NFIB: variants seen among roughly 807,000 people sequenced by gnomAD.
NFIB encodes the protein nuclear factor 1 B-type.
Under a neutral mutation model 61.5 loss-of-function variants are expected in NFIB, and 11 were observed. The ratio of observed to expected loss-of-function variants is 0.18; its 90% CI spans 0.11 to 0.30. The LOEUF (loss-of-function observed/expected upper bound fraction) is 0.30, where lower values mean the gene tolerates loss of function less well. NFIB is among the 10% of genes least tolerant of loss of function. The pLI is 1.00. For missense variants in NFIB, 471 were observed against 608.9 expected, an observed-to-expected ratio of 0.77 and a Z score of 2.38; for synonymous variants, 260 against 216.5, an observed-to-expected ratio of 1.20 and a Z score of -1.76.
intron 2 of NFIB, among the ~76,000 whole-genome samples, chr9:14,224,822 A>T (rs914931802): frequency 1.6e-4 from 24 of 152,194 alleles, no homozygotes; most frequent in African/African-American, 5.8e-4. Flanking sequence ...TATTTTCTTT[A>T]CCTTTAAAAT....
rs373909969 is a variant in NFIB at position 14,165,940 on chromosome 9, G to A, written c.617-10047C>T. Among the ~76,000 whole-genome samples, 226 of 152,224 alleles carry A rather than the reference G, an allele frequency of 1.5e-3. 1 individual carries two copies. Among genetic ancestry groups the A allele is most frequent in the African/African-American group, 5.0e-3 (207 of 41,554 alleles). On this transcript the variant is annotated intron_variant, in intron 3 of 10. Coordinates refer to ENST00000380953, the MANE Select transcript of NFIB (RefSeq NM_001190737.2). ...TTCTGGAGGTTGGTTGCACAATGAC[G>A]TGAATACATTTCACACTACTGTATT...
At chr9:14,174,173 A>G (rs1466914879) in intron 3 of NFIB, among the ~76,000 whole-genome samples, 1 of 151,300 alleles carries the variant, frequency 6.6e-6, no homozygotes, top group Non-Finnish European at 1.5e-5. Flanking sequence ...AACAAAATAC[A>G]TTAAAAAAAA....
chr9:14,276,478 G>A (rs1240986337), intron 2 of NFIB, among the ~76,000 whole-genome samples: 2 of 152,150 alleles, frequency 1.3e-5, no homozygotes, highest in South Asian at 2.1e-4. Context: ...ATGAAAGGAA[G>A]ATAAATTGTA....
intron 2 of NFIB, among the ~76,000 whole-genome samples, chr9:14,275,121 G>A (rs138786721): frequency 0.017 from 2,562 of 152,244 alleles, 81 homozygotes; most frequent in African/African-American, 0.056. Context: ...TGTATTCAAC[G>A]GGCTTCAGTT....
At chr9:14,361,104 T>G (rs2132944846) in intron 1 of NFIB, among the ~76,000 whole-genome samples, 1 of 152,264 alleles carries the variant, frequency 6.6e-6, no homozygotes, top group Non-Finnish European at 1.5e-5. Context: ...CTGTTTGTTT[T>G]CCTCCACTTT....
intron 2 of NFIB, among the ~76,000 whole-genome samples, chr9:14,255,543 G>C (rs927184579): frequency 2.0e-5 from 3 of 152,188 alleles, no homozygotes; most frequent in Non-Finnish European, 4.4e-5. Context: ...CTGATGACCA[G>C]ATATGGGCTG....
At chr9:14,174,967 T>G (rs1029275515) in intron 3 of NFIB, among the ~76,000 whole-genome samples, 6 of 151,896 alleles carry the variant, frequency 4.0e-5, no homozygotes, top group African/African-American at 1.5e-4. Context: ...ATCTGAAAAA[T>G]CAAGCAAATA....
chr9:14,134,682 A>G (rs1180152713), intron 6 of NFIB, among the ~76,000 whole-genome samples: 1 of 152,080 alleles, frequency 6.6e-6, no homozygotes, highest in East Asian at 1.9e-4. Context: ...AAGTCACCTG[A>G]GGTCAGGAGT....
intron 3 of NFIB, among the ~76,000 whole-genome samples, chr9:14,171,381 A>T (rs2045549889): frequency 6.6e-6 from 1 of 152,160 alleles, no homozygotes; most frequent in Admixed American, 6.5e-5. Flanking sequence ...GAAGGGGTAG[A>T]CATCTCTGAC....
the NFIB span, among the ~76,000 whole-genome samples, chr9:14,424,122 A>T: frequency 1.2e-4 from 18 of 152,252 alleles, no homozygotes; most frequent in Admixed American, 1.2e-3. Flanking sequence ...TGCTCATAAC[A>T]CCGATGCCAT....
rs1193350404 is a variant in NFIB, at chr9:14,276,527, A to G, written c.562+30462T>C. ...TTTCTCAGAGAAGGCTGAAAGGTAC[A>G]ACGCCAAAGGCATTATCTGCGGACT... On this transcript the variant is annotated intron_variant, in intron 2 of 10. Transcript: ENST00000380953. 2.0e-5 allele frequency among the ~76,000 whole-genome samples: 3 copies of G among 152,202 alleles called. No homozygotes were observed. In the East Asian group the frequency reaches 5.8e-4, roughly 29 times the overall value.
chr9:14,468,240 G>A, the NFIB span, among the ~76,000 whole-genome samples: 33 of 152,328 alleles, frequency 2.2e-4, no homozygotes, highest in South Asian at 6.8e-3. Context: ...AAGAGTGAAT[G>A]AATATAGAGC....
chr9:14,460,006 T>A, the NFIB span, among the ~76,000 whole-genome samples: 2 of 152,106 alleles, frequency 1.3e-5, no homozygotes, highest in Non-Finnish European at 2.9e-5. Flanking sequence ...GACCCAGCCA[T>A]CCCATTACTG....
chr9:14,301,255 G>A (rs911818471), intron 2 of NFIB, among the ~76,000 whole-genome samples: 1 of 152,168 alleles, frequency 6.6e-6, no homozygotes, highest in African/African-American at 2.4e-5. Flanking sequence ...TCCTGTCACT[G>A]CAATGCACAG....
intron 3 of NFIB, among the ~76,000 whole-genome samples, chr9:14,166,736 T>A (rs1187940519): frequency 6.6e-6 from 1 of 152,192 alleles, no homozygotes; most frequent in Non-Finnish European, 1.5e-5. Context: ...CATCTTAACC[T>A]CTGTGTTTCC....
the NFIB span, among the ~76,000 whole-genome samples, chr9:14,463,226 A>T: frequency 6.6e-6 from 1 of 151,738 alleles, no homozygotes; most frequent in Non-Finnish European, 1.5e-5. Context: ...GCCTATGGTA[A>T]TAGCAAGAAA....
chr9:14,137,930 C>A (rs2041251166), intron 6 of NFIB, among the ~76,000 whole-genome samples: 1 of 152,000 alleles, frequency 6.6e-6, no homozygotes, highest in Non-Finnish European at 1.5e-5. Context: ...GTGCATTCAT[C>A]TGTATTGAAG....
intron 2 of NFIB, among the ~76,000 whole-genome samples, chr9:14,290,124 TCTTTGTA>T (rs1235890984): frequency 2.5e-4 from 38 of 152,092 alleles, no homozygotes; most frequent in Admixed American, 7.2e-4. Flanking sequence ...ATCTATCATG[TCTTTGTA>T]CTCTAGGGAA....
At chr9:14,446,695 C>T in the NFIB span, among the ~76,000 whole-genome samples, 1 of 151,958 alleles carries the variant, frequency 6.6e-6, no homozygotes, top group Non-Finnish European at 1.5e-5. Context: ...AATATCCGGG[C>T]CCATACTAGC....
Sources: gnomAD v4.1 joint callset for allele counts (sites outside exome capture counted in the v4.1 genomes callset) on GRCh38, gnomAD v4.1.1 for gene constraint, MANE v1.5 for transcripts, NCBI Gene and HGNC (gene_info 2026-07-23, HGNC 2026-07-21) for gene names.